Variants in C15orf39 observed in about 807,000 individuals in gnomAD.
C15orf39 encodes the protein uncharacterized protein C15orf39.
In C15orf39, 24 loss-of-function variants were observed where a neutral mutation model predicts 53.9. The observed-to-expected ratio is 0.45, with a 90% CI of 0.32 to 0.63. The LOEUF (loss-of-function observed/expected upper bound fraction) is 0.63, where lower values mean the gene tolerates loss of function less well. Ranked by LOEUF, C15orf39 falls within the 20% of genes least tolerant of loss-of-function variation. C15orf39 has a pLI of 0.04. For missense variants in C15orf39, 1,271 were observed against 1,347.9 expected (o/e 0.94, Z 0.89); for synonymous variants, 569 against 576.5 (o/e 0.99, Z 0.19).
intron 2 of C15orf39, 86 bp downstream of exon 2, chr15:75,208,910 G>T: frequency 6.7e-7 from 1 of 1,499,074 alleles, no homozygotes; most frequent in Admixed American, 2.1e-5. Flanking sequence ...CACAGCTGGG[G>T]CTGAGTGATT....
chr15:75,206,675 A>G lies in C15orf39; in HGVS notation c.627A>G (p.Pro209=), dbSNP rs367772385. The G allele has an allele frequency of 1.9e-5, 31 of 1,613,754 alleles. No homozygotes were observed. The African/African-American group carries it at 3.9e-4, about 20-fold the overall frequency. The change falls in exon 2 of 3, where the codon CCA becomes CCG. Residue 209 remains proline (P), a synonymous_variant. Coordinates refer to ENST00000394987, the MANE Select transcript of C15orf39 (RefSeq NM_015492.5). The stretch of plus-strand genomic sequence containing the variant: ...AAGACTCCTCAGGGAGCTTCTCCCC[A>G]TGCCAGCCCTTCCTGGAGAAATATC... ...SSKDSSGSFS[P]CQPFLEKYQT...
intron 2 of C15orf39, 137 bp downstream of exon 2, chr15:75,208,961 C>T (rs1398115156): frequency 7.2e-7 from 1 of 1,388,042 alleles, no homozygotes; most frequent in Admixed American, 2.8e-5. Flanking sequence ...AGGATGAGCT[C>T]TAGGTACCCC....
rs1206880173 is a variant in C15orf39, at chr15:75,211,962, T to C, written c.*846T>C. 1 of 152,162 alleles carries C rather than the reference T, an allele frequency of 6.6e-6. No individual in the cohort carries two copies. Among genetic ancestry groups the C allele is most frequent in the Non-Finnish European group, 1.5e-5 (1 of 68,038 alleles). 9.4% of individuals were successfully genotyped at this position (152,162 alleles called of 1,614,324 possible). On this transcript the variant is annotated 3_prime_UTR_variant, in exon 3 of 3. Transcript: ENST00000394987. ...TGGTGCAGGTAGGCTGAGTGGCAGC[T>C]CAGTCCTAGAAGGTCTCTGAAGATC... is the stretch of plus-strand genomic sequence containing the variant.
In C15orf39 at chr15:75,207,444, G is replaced by A. The variant is rs1595955563; in HGVS notation, c.1396G>A (p.Asp466Asn). 6.2e-7 allele frequency: 1 copy of A among 1,613,616 alleles called. No individual in the cohort carries two copies. Among genetic ancestry groups the A allele is most frequent in the Non-Finnish European group, 8.5e-7 (1 of 1,180,006 alleles). Residue 466 changes from aspartate (D) to asparagine (N), a missense_variant, in exon 2 of 3, where the codon GAC (aspartate) becomes AAC (asparagine). Transcript: ENST00000394987. ...EHSGPPIVIR[D>N]SPVPCTPPAL... ...CTCTGGGCCGCCCATCGTCATCCGA[G>A]ACAGTCCAGTTCCCTGTACCCCCCC...
chr15:75,208,646 G>A lies in C15orf39; in HGVS notation c.2598G>A (p.Leu866=). ...RLPPASVDHV[L]QEHRVELRPT... is the part of the protein sequence containing the mutation. Reference sequence around the variant, plus strand: ...CACCCGCTTCTGTGGACCATGTGCTGCAGGAGCATCGTGTGGAGCTGCGGC... The same window carrying A: ...CACCCGCTTCTGTGGACCATGTGCTACAGGAGCATCGTGTGGAGCTGCGGC... The change falls in exon 2 of 3, where the codon CTG becomes CTA. Residue 866 remains leucine (L), a synonymous_variant. Transcript: ENST00000394987. 8.7e-6 allele frequency: 14 copies of A among 1,603,970 alleles called. No homozygotes were observed. Among genetic ancestry groups the A allele is most frequent in the African/African-American group, 1.3e-5 (1 of 74,948 alleles).
rs1239651415 is a variant in C15orf39, at chr15:75,211,670, C to T, written c.*554C>T. ...ACTCACACTTTCAGGAGTCACCCCC[C>T]AGCATTTGGGGTTGGGTTGGCCCTA... On this transcript the variant is annotated 3_prime_UTR_variant, in exon 3 of 3. Transcript: ENST00000394987. 6.6e-6 allele frequency: 1 copy of T among 152,234 alleles called. No homozygotes were observed. Among genetic ancestry groups the T allele is most frequent in the Non-Finnish European group, 1.5e-5 (1 of 68,060 alleles). 9.4% of individuals were successfully genotyped at this position (152,234 alleles called of 1,614,324 possible).
In C15orf39 at chr15:75,210,765, G is replaced by A. The variant is rs1014650191; in HGVS notation, c.2793G>A (p.Glu931=). 6.2e-7 allele frequency: 1 copy of A among 1,606,328 alleles called. No individual in the cohort carries two copies. Among genetic ancestry groups the A allele is most frequent in the Non-Finnish European group, 8.5e-7 (1 of 1,173,958 alleles). Residue 931 remains glutamate, a synonymous_variant, in exon 3 of 3, where the codon GAG becomes GAA. Transcript: ENST00000394987. ...GTTTTCCAGGTGACTTTGACACTGAGGCTGGAGCTGTGTCCTCCTCAGAGC... is the reference window on the plus strand; with the variant it reads ...GTTTTCCAGGTGACTTTGACACTGAAGCTGGAGCTGTGTCCTCCTCAGAGC... ...VRRQLGDFDT[E]AGAVSSSEPT...
At chr15:75,201,348 C>T (rs2070399935), upstream of C15orf39, among the ~76,000 whole-genome samples, 1 of 152,218 alleles carries the variant, frequency 6.6e-6, no homozygotes, top group Admixed American at 6.5e-5. This position sits in a 1 kb window ranked among gnomAD's most constrained non-coding sequence, Gnocchi z 4.7. Flanking sequence ...GAGATTGCCG[C>T]TTCCTCAGAC....
At chr15:75,204,345 C>G (rs2070423795) in intron 1 of C15orf39, among the ~76,000 whole-genome samples, 1 of 152,208 alleles carries the variant, frequency 6.6e-6, no homozygotes. Flanking sequence ...GGCCTCAGTC[C>G]CCATCCTTCC....
chr15:75,206,804 G>C lies in C15orf39; in HGVS notation c.756G>C (p.Gln252His), dbSNP rs1371325341. 7 of 1,607,694 alleles carry C rather than the reference G, an allele frequency of 4.4e-6. No homozygotes were observed. The highest frequency in any genetic ancestry group is 5.9e-6 in the Non-Finnish European group (7 of 1,177,082). Reference sequence around the variant, plus strand: ...AGGGGCCCTCAAGTCCTTGGACCCAGCTGGCCCAGCCCCTGGGGCCACCCT... The same window carrying C: ...AGGGGCCCTCAAGTCCTTGGACCCACCTGGCCCAGCCCCTGGGGCCACCCT... ...MSEGPSSPWT[Q>H]LAQPLGPPCQ... Residue 252 changes from glutamine to histidine, a missense_variant, in exon 2 of 3, where the codon CAG (glutamine) becomes CAC (histidine). Physicochemically the swap from Gln to His is conservative, Grantham distance 24. Coordinates refer to ENST00000394987, the MANE Select transcript of C15orf39 (RefSeq NM_015492.5).
chr15:75,208,340 G>A lies in C15orf39; in HGVS notation c.2292G>A (p.Glu764=), dbSNP rs777159298. The A allele has an allele frequency of 1.6e-5, 25 of 1,581,706 alleles. No individual in the cohort carries two copies. Among genetic ancestry groups the A allele is most frequent in the East Asian group, 2.3e-5 (1 of 42,982 alleles). ...CTTCAGCCCCAGGGGACTCCCTGGA[G>A]CAGCATTTTACAGGACTACATGCGT... is the stretch of plus-strand genomic sequence containing the variant. The part of the protein sequence containing the change: ...ASTSAPGDSL[E]QHFTGLHASL... Residue 764 remains glutamate (E), a synonymous_variant, in exon 2 of 3, where the codon GAG becomes GAA. Coordinates refer to ENST00000394987, the MANE Select transcript of C15orf39 (RefSeq NM_015492.5).
At chr15:75,199,857 T>C (rs140810934), upstream of C15orf39, among the ~76,000 whole-genome samples, 48 of 152,348 alleles carry the variant, frequency 3.2e-4, no homozygotes, top group African/African-American at 1.1e-3. Flanking sequence ...CTATTCCTTC[T>C]GATTAGAATA....
In C15orf39 at chr15:75,207,278, T is replaced by C. The variant is rs11072531; in HGVS notation, c.1230T>C (p.Pro410=). Residue 410 remains proline (P), a synonymous_variant, in exon 2 of 3, where the codon CCT becomes CCC. Coordinates refer to ENST00000394987, the MANE Select transcript of C15orf39 (RefSeq NM_015492.5). The part of the protein sequence containing the change: ...SQNNVRAVPQ[P]GAFQRACQPL... Reference sequence around the variant, plus strand: ...ACAATGTGCGGGCTGTGCCACAGCCTGGTGCCTTCCAGAGGGCATGCCAGC... The same window carrying C: ...ACAATGTGCGGGCTGTGCCACAGCCCGGTGCCTTCCAGAGGGCATGCCAGC... The C allele has an allele frequency of 0.99, 1,591,056 of 1,613,514 alleles. 785,532 individuals carry two copies. Among genetic ancestry groups the C allele is most frequent in the Non-Finnish European group, 1 (1,179,030 of 1,180,004 alleles).
At chr15:75,199,376 A>G (rs917325771), upstream of C15orf39, among the ~76,000 whole-genome samples, 4 of 152,156 alleles carry the variant, frequency 2.6e-5, no homozygotes, top group African/African-American at 9.7e-5. Flanking sequence ...GCCTCTCAGG[A>G]GGAGGCAGTG....
rs1423552991 is a variant in C15orf39, at chr15:75,201,902, G to C, written c.-208G>C. ...ACCGCAGACGGCGCCCAGCGGCGGCGCGAACGGCAGCTAGGAGGGTTGCTC... is the reference window on the plus strand; with the variant it reads ...ACCGCAGACGGCGCCCAGCGGCGGCCCGAACGGCAGCTAGGAGGGTTGCTC... On this transcript the variant is annotated 5_prime_UTR_variant, in exon 1 of 3. Transcript: ENST00000394987. The surrounding 1 kb of genome is among the most constrained non-coding windows in gnomAD (Gnocchi z 4.7). 6 of 151,930 alleles carry C rather than the reference G, an allele frequency of 3.9e-5. No homozygotes were observed. Among genetic ancestry groups the C allele is most frequent in the Non-Finnish European group, 8.8e-5 (6 of 67,960 alleles). 9.4% of individuals were successfully genotyped at this position (151,930 alleles called of 1,614,324 possible).
chr15:75,207,256 A>G lies in C15orf39; in HGVS notation c.1208A>G (p.Asn403Ser). ...GLGGTPPSQN[N>S]VRAVPQPGAF... is the part of the protein sequence containing the mutation. ...GGAGGGACACCACCTTCCCAGAACA[A>G]TGTGCGGGCTGTGCCACAGCCTGGT... The change falls in exon 2 of 3, where the codon AAT (asparagine) becomes AGT (serine). Residue 403 changes from asparagine (N) to serine (S), a missense_variant. Physicochemically the swap from Asn to Ser is conservative, Grantham distance 46. This residue lies in a region of C15orf39 where 994 missense variants were observed against 993.7 expected (regional missense o/e 1.00). Coordinates refer to ENST00000394987, the MANE Select transcript of C15orf39 (RefSeq NM_015492.5). The G allele has an allele frequency of 6.2e-7, 1 of 1,613,332 alleles. No homozygotes were observed. Among genetic ancestry groups the G allele is most frequent in the Non-Finnish European group, 8.5e-7 (1 of 1,179,870 alleles).
upstream of C15orf39, among the ~76,000 whole-genome samples, chr15:75,200,318 G>A (rs957664705): frequency 6.6e-6 from 1 of 152,174 alleles, no homozygotes; most frequent in Admixed American, 6.5e-5. Flanking sequence ...ATCTTAACTA[G>A]CCCCTATTGT....
Position 75,207,331 on chromosome 15 carries a change from A to AGCCTGTGAG in C15orf39, c.1289_1297dup (p.Val430_Pro432dup). 1 of 1,613,448 alleles carries AGCCTGTGAG rather than the reference A, an allele frequency of 6.2e-7. No homozygotes were observed. Among genetic ancestry groups the AGCCTGTGAG allele is most frequent in the Non-Finnish European group, 8.5e-7 (1 of 1,180,022 alleles). ...TTGCCAGCGAGCCAGCCCTGCTCAG[A>AGCCTGTGAG]GCCTGTGAGGCCTGCACAGGAAGCC... is the stretch of plus-strand genomic sequence containing the variant. On this transcript the variant is annotated inframe_insertion, in exon 2 of 3. Transcript: ENST00000394987.
chr15:75,202,089 A>C (rs1047333106), intron 1 of C15orf39, 30 bp downstream of exon 1: 1 of 151,872 alleles, frequency 6.6e-6, no homozygotes. Context: ...GCGGGCGCGG[A>C]AACTTGGGCC....
Sources: allele counts gnomAD v4.1 joint callset (sites outside exome capture counted in the v4.1 genomes callset), GRCh38; gene constraint gnomAD v4.1.1; regional missense constraint gnomAD v4.1.1; non-coding constraint Gnocchi (gnomAD v3.1); transcripts MANE v1.5; gene names NCBI Gene and HGNC (gene_info 2026-07-23, HGNC 2026-07-21).